The following BACE2 variants were observed in gnomAD, a reference collection of about 807,000 sequenced individuals.
BACE2 encodes the protein beta-secretase 2, also known as 56 kDa aspartic-like protease.
BACE2 carries 17 observed loss-of-function variants against 46.2 expected under a neutral mutation model. The observed-to-expected ratio is 0.37, with a 90% CI of 0.25 to 0.55. The LOEUF is 0.55. BACE2 is among the 20% of genes least tolerant of loss of function. The pLI is 0.82. For synonymous variants in BACE2, 277 were observed against 295.9 expected (o/e 0.94, Z 0.66); for missense variants, 595 against 698.1 (o/e 0.85, Z 1.66).
At chr21:41,217,932 C>G (rs1256847562) in intron 1 of BACE2, among the ~76,000 whole-genome samples, 1 of 152,218 alleles carries the variant, frequency 6.6e-6, no homozygotes, top group Non-Finnish European at 1.5e-5. Flanking sequence ...GAAGGGCCCT[C>G]CCCTGGAGCT....
In BACE2 at chr21:41,225,233, C is replaced by CA. The variant is rs145113710; in HGVS notation, c.313-1017dup. Among the ~76,000 whole-genome samples, 664 of 119,122 alleles carry CA rather than the reference C, an allele frequency of 5.6e-3. 2 individuals are homozygous for CA. The highest frequency in any genetic ancestry group is 0.016 in the African/African-American group (519 of 31,586). 78.1% of individuals were successfully genotyped at this position (119,122 alleles called of 152,430 possible). A position where few individuals can be genotyped will look rare whatever the true frequency, so the allele number is the denominator to read the frequency against. ...TGAACGATAGAGCGAGACTCCATCT[C>CA]AAAAAAAAAAAAAAAATATCTAGTC... is the stretch of plus-strand genomic sequence containing the variant. On this transcript the variant is annotated intron_variant, in intron 1 of 8. Transcript: ENST00000330333.
At chr21:41,192,743 A>T (rs1985616803) in intron 1 of BACE2, among the ~76,000 whole-genome samples, 1 of 152,230 alleles carries the variant, frequency 6.6e-6, no homozygotes, top group Non-Finnish European at 1.5e-5. Flanking sequence ...CCTGTTGCAG[A>T]GCCTTCTCCT....
intron 1 of BACE2, among the ~76,000 whole-genome samples, chr21:41,169,836 A>G (rs1298554741): frequency 1.3e-5 from 2 of 152,308 alleles, no homozygotes; most frequent in Non-Finnish European, 2.9e-5. Context: ...CACGTGAGTG[A>G]TCTTTGCCAT....
chr21:41,186,951 G>A (rs774136025), intron 1 of BACE2, among the ~76,000 whole-genome samples: 9 of 152,230 alleles, frequency 5.9e-5, no homozygotes, highest in African/African-American at 1.4e-4. Context: ...CCATGGAAAC[G>A]GTAAACCGAC....
chr21:41,197,180 C>T (rs974134472), intron 1 of BACE2, among the ~76,000 whole-genome samples: 1 of 151,366 alleles, frequency 6.6e-6, no homozygotes, highest in Admixed American at 6.6e-5. Flanking sequence ...AGGCTGGTCT[C>T]AAACTTCAGA....
chr21:41,268,954 T>G (rs1435254158), intron 8 of BACE2, among the ~76,000 whole-genome samples: 1 of 151,898 alleles, frequency 6.6e-6, no homozygotes, highest in African/African-American at 2.4e-5. Flanking sequence ...TCTCTTCTCT[T>G]CTCTTTTCTT....
At chr21:41,171,506 G>C (rs1353780304) in intron 1 of BACE2, among the ~76,000 whole-genome samples, 1 of 152,260 alleles carries the variant, frequency 6.6e-6, no homozygotes, top group Non-Finnish European at 1.5e-5. Flanking sequence ...GCAGGGCCAC[G>C]TTGGCATGGA....
intron 6 of BACE2, 80 bp downstream of exon 6, chr21:41,246,143 GC>G: frequency 7.2e-6 from 8 of 1,105,366 alleles, no homozygotes; most frequent in South Asian, 3.0e-5. Flanking sequence ...CGTGTTCTGA[GC>G]ATCTCTGAAC....
intron 2 of BACE2, chr21:41,230,331 A>G (rs746266535): frequency 6.6e-6 from 1 of 152,194 alleles, no homozygotes; most frequent in East Asian, 1.9e-4. Flanking sequence ...TACATGCTTT[A>G]TTATGGTTGA....
chr21:41,271,190 A>AT (rs1260976633), intron 8 of BACE2, among the ~76,000 whole-genome samples: 1 of 149,494 alleles, frequency 6.7e-6, no homozygotes, highest in Non-Finnish European at 1.5e-5. Context: ...GAGTCTTAAC[A>AT]TTAAAAGTGA....
intron 6 of BACE2, among the ~76,000 whole-genome samples, chr21:41,247,763 TA>T (rs1358984528): frequency 6.6e-6 from 1 of 152,222 alleles, no homozygotes; most frequent in Non-Finnish European, 1.5e-5. Flanking sequence ...TTGCGTTGTC[TA>T]AAATTATCCT....
At chr21:41,199,926 C>T (rs896206775) in intron 1 of BACE2, among the ~76,000 whole-genome samples, 2 of 151,432 alleles carry the variant, frequency 1.3e-5, no homozygotes, top group East Asian at 2.0e-4. Context: ...TTTGTCCTTG[C>T]GACAGTTTGC....
intron 1 of BACE2, among the ~76,000 whole-genome samples, chr21:41,210,636 C>G (rs935173848): frequency 1.3e-5 from 2 of 152,188 alleles, no homozygotes; most frequent in African/African-American, 4.8e-5. Context: ...TCGGATTGGG[C>G]AGGAGACTGA....
intron 1 of BACE2, among the ~76,000 whole-genome samples, chr21:41,191,425 G>A (rs55854621): frequency 0.017 from 2,640 of 152,272 alleles, 59 homozygotes; most frequent in East Asian, 0.12. Context: ...GTGAACCCAC[G>A]GATGGTAGTC....
intron 6 of BACE2, chr21:41,246,288 T>A (rs2123609869): frequency 3.7e-6 from 1 of 273,700 alleles, no homozygotes; most frequent in East Asian, 6.4e-5. Flanking sequence ...TTTCAACTAT[T>A]ACTTGTTAAT....
intron 2 of BACE2, among the ~76,000 whole-genome samples, chr21:41,234,815 T>G (rs1320971562): frequency 6.6e-6 from 1 of 152,254 alleles, no homozygotes; most frequent in East Asian, 1.9e-4. Flanking sequence ...AAGACCTGAC[T>G]GCATGTTACC....
chr21:41,194,229 A>G (rs1023360558), intron 1 of BACE2, among the ~76,000 whole-genome samples: 2 of 140,852 alleles, frequency 1.4e-5, no homozygotes, highest in Non-Finnish European at 3.1e-5. Flanking sequence ...TTAATTAACC[A>G]ATGCCGGAGC....
In BACE2 at chr21:41,276,384, G is replaced by A. The variant is rs2088490278; in HGVS notation, c.*760G>A. ...AAAACACTACCTCTTTTGAGACTTT[G>A]CCCAGGGTCCTGTGCCTGGATGGGG... On this transcript the variant is annotated 3_prime_UTR_variant, in exon 9 of 9. Coordinates refer to ENST00000330333, the MANE Select transcript of BACE2 (RefSeq NM_012105.5). 1.3e-5 allele frequency: 2 copies of A among 152,140 alleles called. No homozygotes were observed. Among genetic ancestry groups the A allele is most frequent in the Admixed American group, 1.3e-4 (2 of 15,270 alleles). 9.4% of individuals were successfully genotyped at this position (152,140 alleles called of 1,614,324 possible).
chr21:41,256,252 C>G (rs567081211), intron 7 of BACE2, among the ~76,000 whole-genome samples: 3 of 152,230 alleles, frequency 2.0e-5, no homozygotes, highest in South Asian at 4.1e-4. Flanking sequence ...CCCTCTACCC[C>G]CTGACAGGTC....
Sources: allele counts gnomAD v4.1 joint callset (sites outside exome capture counted in the v4.1 genomes callset), GRCh38; gene constraint gnomAD v4.1.1; transcripts MANE v1.5; gene names NCBI Gene and HGNC (gene_info 2026-07-23, HGNC 2026-07-21).